The following TRIM45 variants were observed in gnomAD, a reference collection of about 807,000 sequenced individuals.
TRIM45 encodes the protein tripartite motif containing 45.
Under a neutral mutation model 46.7 loss-of-function variants are expected in TRIM45, and 45 were observed. The observed-to-expected ratio is 0.96, with a 90% CI of 0.76 to 1.24. TRIM45 has a LOEUF of 1.24. Ranked by LOEUF, TRIM45 falls within the 50% of genes most tolerant of loss-of-function variation. The probability of loss-of-function intolerance (pLI) is 0.00; values close to 1 mark genes in which losing one functional copy is unlikely to be tolerated. For missense variants in TRIM45, 680 were observed against 728.4 expected, an observed-to-expected ratio of 0.93 and a Z score of 0.77; for synonymous variants, 259 against 285.8, an observed-to-expected ratio of 0.91 and a Z score of 0.94.
rs1335786805 is a variant in TRIM45, at chr1:117,117,001, C to G, written c.1223-256G>C. ...TACCTTCAGTCCTAGGACTGAAGGT[C>G]CTATGCTTTAAAAATACTCACGACT... On this transcript the variant is annotated intron_variant, in intron 2 of 5. Coordinates refer to ENST00000256649, the MANE Select transcript of TRIM45 (RefSeq NM_025188.4). The surrounding 1 kb of genome is among the most constrained non-coding windows in gnomAD (Gnocchi z 4.9). Among the ~76,000 whole-genome samples the G allele has an allele frequency of 6.6e-6, 1 of 151,948 alleles. No individual in the cohort carries two copies. Among genetic ancestry groups the G allele is most frequent in the East Asian group, 1.9e-4 (1 of 5,174 alleles).
Position 117,118,851 on chromosome 1 carries a change from G to C in TRIM45, c.489-84C>G. 3.3e-6 allele frequency: 5 copies of C among 1,505,476 alleles called. No individual in the cohort carries two copies. The highest frequency in any genetic ancestry group is 4.5e-6 in the Non-Finnish European group (5 of 1,122,052). 93.3% of individuals were successfully genotyped at this position (1,505,476 alleles called of 1,614,324 possible). A position where few individuals can be genotyped will look rare whatever the true frequency, so the allele number is the denominator to read the frequency against. On this transcript the variant is annotated intron_variant, in intron 1 of 5. Coordinates refer to ENST00000256649, the MANE Select transcript of TRIM45 (RefSeq NM_025188.4). This position sits in a 1 kb window ranked among gnomAD's most constrained non-coding sequence, Gnocchi z 5.7. Reference sequence around the variant, plus strand: ...GGGCAGAGAGATTTTAGGAGCACAGGATCTGAAGTTAAACAAACCTGATTT... The same window carrying C: ...GGGCAGAGAGATTTTAGGAGCACAGCATCTGAAGTTAAACAAACCTGATTT...
chr1:117,116,895 G>T lies in TRIM45; in HGVS notation c.1223-150C>A. 1 of 1,119,450 alleles carries T rather than the reference G, an allele frequency of 8.9e-7. No individual in the cohort carries two copies. The highest frequency in any genetic ancestry group is 1.2e-6 in the Non-Finnish European group (1 of 801,812). The allele number at this position is 1,119,450 out of a possible 1,614,324, so 69.3% of individuals were successfully genotyped here. ...TTCTCTTCCCCTTCTGCCTCCCAGA[G>T]TACGCCTCTTGGGAGTCCTTCCTGG... On this transcript the variant is annotated intron_variant, in intron 2 of 5. Transcript: ENST00000256649. The surrounding 1 kb of genome is among the most constrained non-coding windows in gnomAD (Gnocchi z 4.6).
In TRIM45 at chr1:117,115,664, T is replaced by TA. The variant is rs1650373570; in HGVS notation, c.1377dup (p.Asn460Ter). On this transcript the variant is annotated frameshift_variant, in exon 4 of 6. Transcript: ENST00000256649. LOFTEE classifies it high-confidence loss of function. The surrounding 1 kb of genome is among the most constrained non-coding windows in gnomAD (Gnocchi z 4.2). ...GAAATGTAGTATGTCCCATCCTTGT[T>TA]ATCCTGGACCATTGTTCTGACTGGG... The TA allele has an allele frequency of 6.2e-7, 1 of 1,614,094 alleles. No individual in the cohort carries two copies. Among genetic ancestry groups the TA allele is most frequent in the East Asian group, 2.2e-5 (1 of 44,876 alleles).
At position 117,118,829 on chromosome 1, in the gene TRIM45, C is replaced by T; in HGVS notation, c.489-62G>A. 1 of 1,545,100 alleles carries T rather than the reference C, an allele frequency of 6.5e-7. No homozygotes were observed. The highest frequency in any genetic ancestry group is 2.0e-5 in the Admixed American group (1 of 51,096). ...GATAATTCTGTTGGGAATAGTTGGG[C>T]AGAGAGATTTTAGGAGCACAGGATC... On this transcript the variant is annotated intron_variant, in intron 1 of 5. Coordinates refer to ENST00000256649, the MANE Select transcript of TRIM45 (RefSeq NM_025188.4). This position sits in a 1 kb window ranked among gnomAD's most constrained non-coding sequence, Gnocchi z 5.7.
chr1:117,118,343 G>C lies in TRIM45; in HGVS notation c.913C>G (p.Gln305Glu). 1 of 1,614,128 alleles carries C rather than the reference G, an allele frequency of 6.2e-7. No homozygotes were observed. ...LLKQLEDIRAQKENSLQLQKA... is the reference protein window; with the variant it reads ...LLKQLEDIRAEKENSLQLQKA... ...TGCAGCTGCAGGGAATTTTCCTTCT[G>C]GGCCCGTATGTCTTCCAGCTGCTTC... Residue 305 changes from glutamine (Q) to glutamate (E), a missense_variant, in exon 2 of 6, where the codon CAG (glutamine) becomes GAG (glutamate). Around this residue, in one of 3 missense-constraint regions of TRIM45, gnomAD observed 322 missense variants for 359.3 expected, o/e 0.90. Coordinates refer to ENST00000256649, the MANE Select transcript of TRIM45 (RefSeq NM_025188.4). This position sits in a 1 kb window ranked among gnomAD's most constrained non-coding sequence, Gnocchi z 5.7.
Position 117,120,974 on chromosome 1 carries a change from T to A in TRIM45, c.228A>T (p.Ser76=). Residue 76 remains serine (S), a synonymous_variant, in exon 1 of 6, where the codon TCA becomes TCT. Transcript: ENST00000256649. ...TTCGTGGCTTGAGTTCCTGGAATAT[T>A]GACCCCTCAGAGCTTGTGTCAGAGT... ...GGDSDTSSEG[S]IFQELKPRSL... 1.9e-6 allele frequency: 3 copies of A among 1,614,214 alleles called. No individual in the cohort carries two copies. The highest frequency in any genetic ancestry group is 2.5e-6 in the Non-Finnish European group (3 of 1,180,042).
rs759712569 is a variant in TRIM45 at position 117,116,781 on chromosome 1, G to A, written c.1223-36C>T. On this transcript the variant is annotated intron_variant, in intron 2 of 5. Transcript: ENST00000256649. The surrounding 1 kb of genome is among the most constrained non-coding windows in gnomAD (Gnocchi z 4.6). ...TAAACACTCGGTCCTCACCTCGAAT[G>A]TAAACTGCAGTGACTACATCTCCAT... 5.0e-6 allele frequency: 8 copies of A among 1,612,428 alleles called. No individual in the cohort carries two copies. Among genetic ancestry groups the A allele is most frequent in the South Asian group, 1.1e-5 (1 of 90,998 alleles).
intron 5 of TRIM45, among the ~76,000 whole-genome samples, chr1:117,112,936 A>G (rs562076451): frequency 6.6e-6 from 1 of 152,202 alleles, no homozygotes; most frequent in East Asian, 1.9e-4. Context: ...CTGACTCCCT[A>G]TCCTTTCTGT....
chr1:117,115,506 G>T lies in TRIM45; in HGVS notation c.1467+69C>A. 1 of 1,106,522 alleles carries T rather than the reference G, an allele frequency of 9.0e-7. No individual in the cohort carries two copies. Among genetic ancestry groups the T allele is most frequent in the Non-Finnish European group, 1.4e-6 (1 of 721,744 alleles). The allele number at this position is 1,106,522 out of a possible 1,614,324, so 68.5% of individuals were successfully genotyped here. A position where few individuals can be genotyped will look rare whatever the true frequency, so the allele number is the denominator to read the frequency against. ...AATCTCTCTGTATAGCTGATCCTAT[G>T]TGAAATGTCTCCAGATCCTAAGACA... On this transcript the variant is annotated intron_variant, in intron 4 of 5. Transcript: ENST00000256649. The surrounding 1 kb of genome is among the most constrained non-coding windows in gnomAD (Gnocchi z 4.2).
intron 4 of TRIM45, among the ~76,000 whole-genome samples, chr1:117,114,359 C>CG (rs1650324542): frequency 6.6e-6 from 1 of 152,196 alleles, no homozygotes; most frequent in South Asian, 2.1e-4. Flanking sequence ...TGTCACCAGG[C>CG]GGGAGTGCAC....
At chr1:117,121,779 A>G (rs1021150209), upstream of TRIM45, 159 of 701,616 alleles carry the variant, frequency 2.3e-4, no homozygotes, top group Non-Finnish European at 3.8e-4. The surrounding 1 kb of genome is among the most constrained non-coding windows in gnomAD (Gnocchi z 4.2). Context: ...AGCCCGGTCT[A>G]CTCCGGCGAG....
intron 4 of TRIM45, among the ~76,000 whole-genome samples, chr1:117,114,768 T>TTC (rs1177350661): frequency 6.6e-6 from 1 of 152,228 alleles, no homozygotes; most frequent in Non-Finnish European, 1.5e-5. Flanking sequence ...ACCTAACCTG[T>TTC]TCCTGACATA....
At position 117,116,756 on chromosome 1, in the gene TRIM45, T is replaced by A. The variant is rs1029358117; in HGVS notation, c.1223-11A>T. The A allele has an allele frequency of 2.5e-6, 4 of 1,613,840 alleles. No homozygotes were observed. In the African/African-American group the frequency reaches 5.3e-5, roughly 22 times the overall value. On this transcript the variant is annotated splice_polypyrimidine_tract_variant and intron_variant, in intron 2 of 5. Transcript: ENST00000256649. The surrounding 1 kb of genome is among the most constrained non-coding windows in gnomAD (Gnocchi z 4.6). ...GGGCTCTGTGGAGGTCTGAAAAAGA[T>A]AAACACTCGGTCCTCACCTCGAATG...
In TRIM45 at chr1:117,118,568, C is replaced by T; in HGVS notation, c.688G>A (p.Val230Ile). 1 of 1,614,224 alleles carries T rather than the reference C, an allele frequency of 6.2e-7. No homozygotes were observed. Among genetic ancestry groups the T allele is most frequent in the Non-Finnish European group, 8.5e-7 (1 of 1,180,046 alleles). ...REHPCDFTSN[V>I]IHKHGDSVWE... ...ACAGAGTCCCCATGCTTGTGGATGA[C>T]ATTGCTGGTGAAGTCACAGGGGTGT... Residue 230 changes from valine to isoleucine, a missense_variant, in exon 2 of 6, where the codon GTC becomes ATC. By Grantham distance (29) the Val-to-Ile change is conservative (BLOSUM62 3). Coordinates refer to ENST00000256649, the MANE Select transcript of TRIM45 (RefSeq NM_025188.4). This position sits in a 1 kb window ranked among gnomAD's most constrained non-coding sequence, Gnocchi z 5.7.
At position 117,113,246 on chromosome 1, in the gene TRIM45, T is replaced by C; in HGVS notation, c.1594+113A>G. 7.0e-7 allele frequency: 1 copy of C among 1,437,996 alleles called. No individual in the cohort carries two copies. The highest frequency in any genetic ancestry group is 9.4e-7 in the Non-Finnish European group (1 of 1,059,000). 89.1% of individuals were successfully genotyped at this position (1,437,996 alleles called of 1,614,324 possible). The stretch of plus-strand genomic sequence containing the variant: ...TGTCTCTACAATCACAGACTGTGCT[T>C]CCTAGAAACAGAGCCTAAGTCCAAA... On this transcript the variant is annotated intron_variant, in intron 5 of 5. Transcript: ENST00000256649. This position sits in a 1 kb window ranked among gnomAD's most constrained non-coding sequence, Gnocchi z 4.0.
chr1:117,120,811 G>A lies in TRIM45; in HGVS notation c.391C>T (p.Gln131Ter). The A allele has an allele frequency of 6.2e-7, 1 of 1,614,142 alleles. No homozygotes were observed. The highest frequency in any genetic ancestry group is 1.3e-5 in the African/African-American group (1 of 75,014). ...TTGCACAGGTCACACACCAGGCCCTGGCCTTCCCCACGTAGGCTCTCCAGC... is the reference window on the plus strand; with the variant it reads ...TTGCACAGGTCACACACCAGGCCCTAGCCTTCCCCACGTAGGCTCTCCAGC... ...VMLESLRGEG[Q>*]GLVCDLCNDR... Residue 131 changes from glutamine (Q) to a stop codon, truncating the protein, a stop_gained, in exon 1 of 6, where the codon CAG becomes TAG. Coordinates refer to ENST00000256649, the MANE Select transcript of TRIM45 (RefSeq NM_025188.4). LOFTEE classifies it high-confidence loss of function.
chr1:117,118,883 C>T lies in TRIM45; in HGVS notation c.489-116G>A. 7.4e-7 allele frequency: 1 copy of T among 1,351,750 alleles called. No individual in the cohort carries two copies. The highest frequency in any genetic ancestry group is 1.4e-5 in the South Asian group (1 of 70,638). The allele number at this position is 1,351,750 out of a possible 1,614,324, so 83.7% of individuals were successfully genotyped here. ...AGTTAAACAAACCTGATTTCAATTC[C>T]TTGCTCTAATCTCTAATTGCATGAA... On this transcript the variant is annotated intron_variant, in intron 1 of 5. Coordinates refer to ENST00000256649, the MANE Select transcript of TRIM45 (RefSeq NM_025188.4). The surrounding 1 kb of genome is among the most constrained non-coding windows in gnomAD (Gnocchi z 5.7).
At position 117,118,041 on chromosome 1, in the gene TRIM45, T is replaced by C. The variant is rs1191788996; in HGVS notation, c.1215A>G (p.Gln405=). ...TGGGAAATGCCTTCCTACCTTCTCC[T>C]TGTAGGACACATTTGGCTGGATCAA... ...KEVDPAKCVL[Q]GEDLHRAREK... The change falls in exon 2 of 6, where the codon CAA becomes CAG. Residue 405 remains glutamine, a synonymous_variant. Coordinates refer to ENST00000256649, the MANE Select transcript of TRIM45 (RefSeq NM_025188.4). This position sits in a 1 kb window ranked among gnomAD's most constrained non-coding sequence, Gnocchi z 5.7. 12 of 1,612,722 alleles carry C rather than the reference T, an allele frequency of 7.4e-6. No individual in the cohort carries two copies. The highest frequency in any genetic ancestry group is 5.0e-5 in the Admixed American group (3 of 59,914).
At position 117,121,332 on chromosome 1, in the gene TRIM45, CAAAT is replaced by C. The variant is rs563863707; in HGVS notation, c.-135_-132del. On this transcript the variant is annotated 5_prime_UTR_variant, in exon 1 of 6. Coordinates refer to ENST00000256649, the MANE Select transcript of TRIM45 (RefSeq NM_025188.4). The surrounding 1 kb of genome is among the most constrained non-coding windows in gnomAD (Gnocchi z 4.2). ...GAGACCATGGGGACTCCCTCGCTGA[CAAAT>C]AAAAGGGCAGACGGGAAGACGAGGC... 617 of 1,148,248 alleles carry C rather than the reference CAAAT, an allele frequency of 5.4e-4. 2 individuals are homozygous for C. The African/African-American group carries it at 7.4e-3, about 14-fold the overall frequency. The allele number at this position is 1,148,248 out of a possible 1,614,324, so 71.1% of individuals were successfully genotyped here. A position where few individuals can be genotyped will look rare whatever the true frequency, so the allele number is the denominator to read the frequency against.
Sources: allele counts gnomAD v4.1 joint callset (sites outside exome capture counted in the v4.1 genomes callset), GRCh38; gene constraint gnomAD v4.1.1; regional missense constraint gnomAD v4.1.1; non-coding constraint Gnocchi (gnomAD v3.1); transcripts MANE v1.5; gene names NCBI Gene and HGNC (gene_info 2026-07-23, HGNC 2026-07-21).